Variants in OPCML observed in about 807,000 individuals in gnomAD.
The protein encoded by OPCML is opioid-binding protein/cell adhesion molecule.
In OPCML, 13 loss-of-function variants were observed where a neutral mutation model predicts 37.8. That is an observed-to-expected ratio of 0.34 (90% CI 0.22 to 0.55). OPCML has a LOEUF of 0.55. Ranked by LOEUF, OPCML falls within the 20% of genes least tolerant of loss-of-function variation. OPCML has a pLI of 0.91. For missense variants in OPCML, 341 were observed against 435.6 expected (o/e 0.78, Z 1.93); for synonymous variants, 176 against 168.8 (o/e 1.04, Z -0.33).
At chr11:132,737,307 A>T (rs1255094253) in intron 2 of OPCML, among the ~76,000 whole-genome samples, 1 of 152,194 alleles carries the variant, frequency 6.6e-6, no homozygotes, top group Non-Finnish European at 1.5e-5. Context: ...TTTGTCCCGT[A>T]GTACTTATTC....
intron 1 of OPCML, among the ~76,000 whole-genome samples, chr11:133,222,225 G>A (rs949035799): frequency 2.6e-5 from 4 of 152,208 alleles, no homozygotes; most frequent in African/African-American, 9.7e-5. Flanking sequence ...ATGTGAAGGT[G>A]AGTGGAAGGG....
intron 1 of OPCML, among the ~76,000 whole-genome samples, chr11:133,241,840 G>A (rs148770095): frequency 4.6e-5 from 7 of 152,224 alleles, no homozygotes; most frequent in African/African-American, 1.2e-4. Flanking sequence ...CAACTTCCAC[G>A]CTTCCACGCA....
chr11:133,070,599 T>G (rs149631801), intron 1 of OPCML, among the ~76,000 whole-genome samples: 53 of 152,354 alleles, frequency 3.5e-4, no homozygotes, highest in Admixed American at 7.2e-4. Flanking sequence ...ACGGTGTGGC[T>G]AATTCCAAAG....
chr11:132,872,753 G>A (rs1010536531), intron 2 of OPCML, among the ~76,000 whole-genome samples: 6 of 152,064 alleles, frequency 3.9e-5, no homozygotes, highest in East Asian at 1.9e-4. Flanking sequence ...GAATGTGAGC[G>A]GGTGAATAAA....
At chr11:132,939,913 G>A (rs1236979676) in intron 2 of OPCML, among the ~76,000 whole-genome samples, 5 of 152,158 alleles carry the variant, frequency 3.3e-5, no homozygotes, top group South Asian at 2.1e-4. Flanking sequence ...TCAGATTCAT[G>A]GAAGCTATAA....
chr11:132,841,604 A>C (rs114093803), intron 2 of OPCML, among the ~76,000 whole-genome samples: 15,323 of 152,066 alleles, frequency 0.1, 872 homozygotes, highest in Middle Eastern at 0.17. Context: ...CCTTTTGAGG[A>C]CGGGCCTGGT....
At chr11:133,022,328 T>C (rs1208464933) in intron 1 of OPCML, among the ~76,000 whole-genome samples, 3 of 152,202 alleles carry the variant, frequency 2.0e-5, no homozygotes, top group African/African-American at 7.2e-5. Flanking sequence ...ATGCCTTTCT[T>C]CTGTTTTTTA....
At chr11:132,578,633 A>C (rs963032473) in intron 3 of OPCML, among the ~76,000 whole-genome samples, 19 of 152,336 alleles carry the variant, frequency 1.2e-4, no homozygotes, top group African/African-American at 3.8e-4. Context: ...TCAGAATGTT[A>C]AAAATAAAAT....
chr11:133,326,134 G>A (rs991758103), intron 1 of OPCML, among the ~76,000 whole-genome samples: 1 of 151,664 alleles, frequency 6.6e-6, no homozygotes, highest in African/African-American at 2.4e-5. Flanking sequence ...TTATTTTCTT[G>A]TCAGTTCATA....
chr11:133,007,633 G>T (rs759143571), intron 1 of OPCML: 30 of 985,206 alleles, frequency 3.0e-5, no homozygotes, highest in Non-Finnish European at 3.6e-5. Flanking sequence ...TTTTTATTTT[G>T]CATTTTTATT....
intron 2 of OPCML, among the ~76,000 whole-genome samples, chr11:132,801,758 T>G (rs1938660146): frequency 6.6e-6 from 1 of 152,210 alleles, no homozygotes; most frequent in Admixed American, 6.5e-5. Context: ...TCTCAGTCTA[T>G]TCTCCGAGCT....
chr11:132,757,548 C>G (rs1406954631), intron 2 of OPCML, among the ~76,000 whole-genome samples: 2 of 152,120 alleles, frequency 1.3e-5, no homozygotes, highest in Admixed American at 1.3e-4. Context: ...TCTCTAATGA[C>G]CAGTGATGAT....
At chr11:132,739,449 C>T (rs1193387929) in intron 2 of OPCML, among the ~76,000 whole-genome samples, 1 of 152,178 alleles carries the variant, frequency 6.6e-6, no homozygotes, top group Non-Finnish European at 1.5e-5. Flanking sequence ...TATTCTGGAA[C>T]AAACTTTGTA....
chr11:132,977,338 C>G (rs982325930), intron 1 of OPCML, among the ~76,000 whole-genome samples: 41 of 152,222 alleles, frequency 2.7e-4, no homozygotes, highest in Admixed American at 2.7e-3. Context: ...CTACCTCTCT[C>G]TCTCTGCTGG....
chr11:132,477,122 G>T (rs2508988), intron 4 of OPCML, among the ~76,000 whole-genome samples: 79,841 of 151,942 alleles, frequency 0.53, 21,591 homozygotes, highest in East Asian at 0.85. Flanking sequence ...CCAGGTTGGA[G>T]ACCACAGATA....
At chr11:132,757,873 A>T (rs1946111993) in intron 2 of OPCML, among the ~76,000 whole-genome samples, 1 of 152,104 alleles carries the variant, frequency 6.6e-6, no homozygotes, top group South Asian at 2.1e-4. Context: ...GTCTTTGTCC[A>T]TGCCTATGTC....
At chr11:133,296,535 C>T (rs958490336) in intron 1 of OPCML, among the ~76,000 whole-genome samples, 1 of 152,166 alleles carries the variant, frequency 6.6e-6, no homozygotes, top group African/African-American at 2.4e-5. Context: ...AAGCGATAGA[C>T]ACAAAGAAAA....
chr11:132,751,928 G>A (rs770656040), intron 2 of OPCML, among the ~76,000 whole-genome samples: 1 of 152,184 alleles, frequency 6.6e-6, no homozygotes, highest in Non-Finnish European at 1.5e-5. Flanking sequence ...CTTCACAAAA[G>A]CAAAGCCCAA....
chr11:133,426,893 C>T (rs1946014503), intron 1 of OPCML, among the ~76,000 whole-genome samples: 1 of 152,036 alleles, frequency 6.6e-6, no homozygotes, highest in Non-Finnish European at 1.5e-5. Context: ...TTTATAGATG[C>T]CAAATATTAC....
Sources: gnomAD v4.1 joint callset for allele counts (sites outside exome capture counted in the v4.1 genomes callset) on GRCh38, gnomAD v4.1.1 for gene constraint, MANE v1.5 for transcripts, NCBI Gene and HGNC (gene_info 2026-07-23, HGNC 2026-07-21) for gene names.